Variants in SLC7A7 observed in about 807,000 individuals in gnomAD.
The protein encoded by SLC7A7 is solute carrier family 7 member 7, also known as Y+L amino acid transporter 1.
SLC7A7 carries 39 observed loss-of-function variants against 47.9 expected under a neutral mutation model. The observed-to-expected ratio is 0.81, with a 90% CI of 0.63 to 1.06. The LOEUF is 1.06. Among genes scored for constraint, SLC7A7 ranks in the 50% least tolerant of loss-of-function variants. The probability of loss-of-function intolerance (pLI) is 0.00; values close to 1 mark genes in which losing one functional copy is unlikely to be tolerated. For synonymous variants in SLC7A7, 234 were observed against 242.8 expected (o/e 0.96, Z 0.34); for missense variants, 588 against 632.0 (o/e 0.93, Z 0.75).
chr14:22,780,968 G>A (rs965691558), intron 2 of SLC7A7, among the ~76,000 whole-genome samples: 7 of 152,104 alleles, frequency 4.6e-5, no homozygotes, highest in African/African-American at 7.2e-5. Flanking sequence ...GGAGGCTCAC[G>A]CATGCTGTGA....
intron 2 of SLC7A7, among the ~76,000 whole-genome samples, chr14:22,803,334 C>T (rs1430781690): frequency 6.6e-6 from 1 of 152,134 alleles, no homozygotes; most frequent in Non-Finnish European, 1.5e-5. Context: ...AGGAGAATCG[C>T]TTGAACCCGG....
rs121908678 is a variant in SLC7A7, at chr14:22,774,371, G to A, written c.1228C>T (p.Arg410Ter). ...TGCCTTACCTTGAGGGGACGAGGTC[G>A]ATCAGGCTCCTTCCAGCGCAGATAA... ...QLYLRWKEPD[R>*]PRPLKLSVFF... The change falls in exon 8 of 10, where the codon CGA becomes TGA. Residue 410 changes from arginine (R) to a stop codon, truncating the protein, a stop_gained. Coordinates refer to ENST00000674313, the MANE Select transcript of SLC7A7 (RefSeq NM_003982.4). LOFTEE classifies it high-confidence loss of function. 6.2e-6 allele frequency: 10 copies of A among 1,614,124 alleles called. No homozygotes were observed. Among genetic ancestry groups the A allele is most frequent in the East Asian group, 4.5e-5 (2 of 44,888 alleles).
intron 2 of SLC7A7, among the ~76,000 whole-genome samples, chr14:22,792,525 T>C (rs554317315): frequency 6.6e-5 from 10 of 152,254 alleles, no homozygotes; most frequent in Admixed American, 3.3e-4. Context: ...CACACCAGCC[T>C]GGGCAACAAA....
chr14:22,781,142 C>G (rs184740459), intron 2 of SLC7A7, among the ~76,000 whole-genome samples: 22 of 148,484 alleles, frequency 1.5e-4, no homozygotes, highest in Admixed American at 4.0e-4. Flanking sequence ...CTCCCAAGGG[C>G]TCCAAGGGCA....
intron 2 of SLC7A7, among the ~76,000 whole-genome samples, chr14:22,786,312 A>C (rs2038816551): frequency 4.1e-5 from 2 of 49,078 alleles, no homozygotes; most frequent in African/African-American, 1.1e-4. Flanking sequence ...GCAAGACTCC[A>C]TCTAAAAACA....
At chr14:22,779,062 G>C in intron 3 of SLC7A7, 125 bp from the exon 4 acceptor site, 1 of 1,157,606 alleles carries the variant, frequency 8.6e-7, no homozygotes, top group South Asian at 1.3e-5. Context: ...AACACCTTTG[G>C]CAGCAAGAGT....
rs7160130 is a variant in SLC7A7, at chr14:22,782,414, A to T, written c.500-2363T>A. On this transcript the variant is annotated intron_variant, in intron 2 of 9. Transcript: ENST00000674313. Reference sequence around the variant, plus strand: ...CACCGCGCCCGGCCTATATTTTATTATTTTTTTTTATTTACTTATTTATTG... The same window carrying T: ...CACCGCGCCCGGCCTATATTTTATTTTTTTTTTTTATTTACTTATTTATTG... Among the ~76,000 whole-genome samples the T allele has an allele frequency of 4.5e-4, 62 of 137,204 alleles. 1 individual carries two copies. The highest frequency in any genetic ancestry group is 3.5e-3 in the East Asian group (13 of 3,690). The allele number at this position is 137,204 out of a possible 152,430, so 90.0% of individuals were successfully genotyped here. A position where few individuals can be genotyped will look rare whatever the true frequency, so the allele number is the denominator to read the frequency against.
In SLC7A7 at chr14:22,813,072, C is replaced by T. The variant is rs1275537912; in HGVS notation, c.327G>A (p.Glu109=). ...TGAAAGCAAGGAATCCTCCAAAGGC[C>T]TCCAGGATATAGGCATAGCTGGCCC... is the stretch of plus-strand genomic sequence containing the variant. ...KSGASYAYIL[E]AFGGFLAFIR... The change falls in exon 2 of 10, where the codon GAG becomes GAA. Residue 109 remains glutamate, a synonymous_variant. Coordinates refer to ENST00000674313, the MANE Select transcript of SLC7A7 (RefSeq NM_003982.4). The T allele has an allele frequency of 2.5e-6, 4 of 1,614,030 alleles. No individual in the cohort carries two copies. Among genetic ancestry groups the T allele is most frequent in the Non-Finnish European group, 3.4e-6 (4 of 1,180,042 alleles).
intron 2 of SLC7A7, among the ~76,000 whole-genome samples, chr14:22,784,510 T>C (rs1222966713): frequency 1.3e-5 from 2 of 151,868 alleles, no homozygotes; most frequent in Admixed American, 6.6e-5. Context: ...CCCATCTACT[T>C]GGGAGGCTGA....
intron 2 of SLC7A7, among the ~76,000 whole-genome samples, chr14:22,790,938 C>A (rs2038913736): frequency 6.8e-6 from 1 of 146,196 alleles, no homozygotes; most frequent in Non-Finnish European, 1.5e-5. Flanking sequence ...GCGGAGGTTG[C>A]AGTGAGCTAA....
At chr14:22,793,741 G>A (rs1330016279) in intron 2 of SLC7A7, among the ~76,000 whole-genome samples, 1 of 152,018 alleles carries the variant, frequency 6.6e-6, no homozygotes, top group Non-Finnish European at 1.5e-5. Flanking sequence ...ACTTCAACTC[G>A]GGAGGTGGAG....
intron 2 of SLC7A7, among the ~76,000 whole-genome samples, chr14:22,795,864 C>A (rs959971969): frequency 4.6e-5 from 7 of 152,158 alleles, no homozygotes; most frequent in African/African-American, 1.7e-4. Flanking sequence ...TCTAGGCTAC[C>A]TGCCCAGCTT....
At chr14:22,779,150 T>C (rs1219940572) in intron 3 of SLC7A7, among the ~76,000 whole-genome samples, 6 of 152,174 alleles carry the variant, frequency 3.9e-5, no homozygotes, top group Non-Finnish European at 7.4e-5. Flanking sequence ...ATGACATAGA[T>C]GGGGATCTTG....
At chr14:22,818,289 G>A (rs547728455), upstream of SLC7A7, among the ~76,000 whole-genome samples, 12 of 150,330 alleles carry the variant, frequency 8.0e-5, no homozygotes, top group South Asian at 1.7e-3. Flanking sequence ...CAAACAGCAC[G>A]CCCTAGTGGT....
intron 3 of SLC7A7, 39 bp downstream of exon 3, chr14:22,779,887 G>A (rs530368118): frequency 1.3e-6 from 2 of 1,598,768 alleles, no homozygotes; most frequent in African/African-American, 2.7e-5. Flanking sequence ...CACAGAAAAT[G>A]CTTAAAAAAG....
At chr14:22,781,184 A>G (rs2038713418) in intron 2 of SLC7A7, among the ~76,000 whole-genome samples, 1 of 152,206 alleles carries the variant, frequency 6.6e-6, no homozygotes, top group Non-Finnish European at 1.5e-5. Flanking sequence ...ACCAGTCAAG[A>G]GAATGAGGCC....
chr14:22,817,717 TC>T (rs1026497359), upstream of SLC7A7, among the ~76,000 whole-genome samples: 4 of 152,222 alleles, frequency 2.6e-5, no homozygotes, highest in African/African-American at 9.6e-5. Flanking sequence ...CCTCAACTGA[TC>T]CACCTGCTTC....
chr14:22,781,425 T>C lies in SLC7A7; in HGVS notation c.500-1374A>G, dbSNP rs2038717697. ...CCACCACCACCCTCATTCTACTGAC[T>C]GCCCAAGTTCCTTTCTGCTCTTCCT... On this transcript the variant is annotated intron_variant, in intron 2 of 9. Transcript: ENST00000674313. 2.0e-5 allele frequency among the ~76,000 whole-genome samples: 3 copies of C among 152,174 alleles called. No homozygotes were observed. In the South Asian group the frequency reaches 6.2e-4, roughly 32 times the overall value.
intron 2 of SLC7A7, among the ~76,000 whole-genome samples, chr14:22,804,305 A>G (rs574567234): frequency 2.0e-5 from 3 of 152,330 alleles, no homozygotes; most frequent in Non-Finnish European, 1.5e-5. Context: ...GCACGGGCAA[A>G]GATTTCATGG....
Sources: allele counts gnomAD v4.1 joint callset (sites outside exome capture counted in the v4.1 genomes callset), GRCh38; gene constraint gnomAD v4.1.1; transcripts MANE v1.5; gene names NCBI Gene and HGNC (gene_info 2026-07-23, HGNC 2026-07-21).